MYLK4: variants seen among roughly 807,000 people sequenced by gnomAD.
The protein encoded by MYLK4 is caMLCK like.
A neutral mutation model predicts 48.1 loss-of-function variants in MYLK4; 46 were observed. The ratio of observed to expected loss-of-function variants is 0.96; its 90% CI spans 0.75 to 1.22. MYLK4 has a LOEUF of 1.22. MYLK4 is among the 50% of genes most tolerant of loss of function. MYLK4 has a pLI of 0.00. For synonymous variants in MYLK4, 170 were observed against 180.8 expected (o/e 0.94, Z 0.48); for missense variants, 451 against 486.1 (o/e 0.93, Z 0.68).
intron 2 of MYLK4, among the ~76,000 whole-genome samples, chr6:2,746,428 A>T (rs1764096809): frequency 6.6e-6 from 1 of 152,226 alleles, no homozygotes; most frequent in Non-Finnish European, 1.5e-5. Context: ...AAGAAAAATA[A>T]AAGAAATAGA....
At chr6:2,763,652 C>T in the MYLK4 span, among the ~76,000 whole-genome samples, 1 of 152,284 alleles carries the variant, frequency 6.6e-6, no homozygotes, top group Admixed American at 6.5e-5. Flanking sequence ...GCCTCTCCCA[C>T]CATACTTCCC....
At chr6:2,752,347 G>A (rs970294254), upstream of MYLK4, among the ~76,000 whole-genome samples, 2 of 151,974 alleles carry the variant, frequency 1.3e-5, no homozygotes, top group Non-Finnish European at 2.9e-5. Flanking sequence ...AATGAACCAT[G>A]GTGAACGTTA....
chr6:2,723,731 G>A (rs1763151321), intron 2 of MYLK4, among the ~76,000 whole-genome samples: 1 of 152,188 alleles, frequency 6.6e-6, no homozygotes, highest in African/African-American at 2.4e-5. Flanking sequence ...TCTGGCTAAA[G>A]AGACACCCTT....
At chr6:2,766,426 G>A in the MYLK4 span, 1 of 1,582,760 alleles carries the variant, frequency 6.3e-7, no homozygotes. Flanking sequence ...TCCTGTGGGG[G>A]CCGCCGGGCT....
the MYLK4 span, among the ~76,000 whole-genome samples, chr6:2,769,509 T>G: frequency 1.5e-4 from 23 of 152,176 alleles, no homozygotes; most frequent in African/African-American, 5.3e-4. Flanking sequence ...AAAAAATTTT[T>G]TTTTGTAACT....
chr6:2,766,284 T>A, the MYLK4 span: 2 of 1,593,182 alleles, frequency 1.3e-6, no homozygotes, highest in Non-Finnish European at 1.7e-6. Context: ...ATCCGACAGA[T>A]GCTACAGGGC....
At chr6:2,757,664 G>A in the MYLK4 span, among the ~76,000 whole-genome samples, 1 of 151,506 alleles carries the variant, frequency 6.6e-6, no homozygotes. Flanking sequence ...GGGAAAAAGG[G>A]ACAGATCCGG....
At chr6:2,769,369 G>A in the MYLK4 span, among the ~76,000 whole-genome samples, 1 of 151,762 alleles carries the variant, frequency 6.6e-6, no homozygotes, top group Non-Finnish European at 1.5e-5. Context: ...TGAAATAAAA[G>A]GACACAAGCT....
chr6:2,725,593 A>AAGAAAGAAAGAGAAAG (rs1554131516), intron 2 of MYLK4, among the ~76,000 whole-genome samples: 19 of 143,604 alleles, frequency 1.3e-4, no homozygotes, highest in African/African-American at 5.2e-4. Context: ...AAGAGAAAGA[A>AAGAAAGAAAGAGAAAG]AGAAAGAAAG....
intron 2 of MYLK4, among the ~76,000 whole-genome samples, chr6:2,748,129 G>A (rs953966407): frequency 7.9e-5 from 12 of 152,306 alleles, no homozygotes; most frequent in African/African-American, 2.4e-4. Context: ...GGGCAAAGAA[G>A]GATGTTTTCC....
chr6:2,679,067 A>G (rs1761197085), intron 9 of MYLK4, among the ~76,000 whole-genome samples: 2 of 152,214 alleles, frequency 1.3e-5, no homozygotes, highest in African/African-American at 4.8e-5. Context: ...TGATTAATGA[A>G]GAGGACACAC....
the MYLK4 span, chr6:2,766,305 C>T: frequency 1.9e-6 from 3 of 1,608,890 alleles, no homozygotes; most frequent in Non-Finnish European, 2.5e-6. Flanking sequence ...AAGCCGCTGG[C>T]CGACACGATG....
At chr6:2,684,976 G>T (rs573627299) in intron 6 of MYLK4, among the ~76,000 whole-genome samples, 1 of 152,064 alleles carries the variant, frequency 6.6e-6, no homozygotes, top group African/African-American at 2.4e-5. Flanking sequence ...TGAATATGTT[G>T]AAAGTAAGAT....
chr6:2,696,585 C>A (rs936902038), intron 2 of MYLK4, among the ~76,000 whole-genome samples: 1 of 152,168 alleles, frequency 6.6e-6, no homozygotes, highest in Non-Finnish European at 1.5e-5. Context: ...ACTTCTCAGC[C>A]CCCAGAACTG....
At chr6:2,709,341 C>T (rs1278296035) in intron 2 of MYLK4, among the ~76,000 whole-genome samples, 5 of 152,224 alleles carry the variant, frequency 3.3e-5, no homozygotes, top group African/African-American at 7.2e-5. Flanking sequence ...CTTGCCTTCC[C>T]GTTGTTTCAG....
At chr6:2,736,993 G>A (rs1763698291) in intron 2 of MYLK4, among the ~76,000 whole-genome samples, 1 of 152,202 alleles carries the variant, frequency 6.6e-6, no homozygotes, top group Admixed American at 6.5e-5. Context: ...AATAGTCTCT[G>A]CCTTCTCTCA....
At chr6:2,762,542 T>C in the MYLK4 span, among the ~76,000 whole-genome samples, 1 of 152,248 alleles carries the variant, frequency 6.6e-6, no homozygotes, top group South Asian at 2.1e-4. Context: ...GTACTGTATT[T>C]CCACATTTAG....
At chr6:2,706,778 C>T (rs974643209) in intron 2 of MYLK4, among the ~76,000 whole-genome samples, 15 of 152,180 alleles carry the variant, frequency 9.9e-5, no homozygotes, top group Non-Finnish European at 1.9e-4. Flanking sequence ...TCCTCCTTCA[C>T]GGAGAACATG....
At chr6:2,737,977 C>CGGGG (rs1158504264) in intron 2 of MYLK4, among the ~76,000 whole-genome samples, 23 of 2,486 alleles carry the variant, frequency 9.3e-3, no homozygotes, top group South Asian at 0.025. Flanking sequence ...GTGCCGGGGG[C>CGGGG]GGGTGGGGGG....
Sources: gnomAD v4.1 joint callset for allele counts (sites outside exome capture counted in the v4.1 genomes callset) on GRCh38, gnomAD v4.1.1 for gene constraint, MANE v1.5 for transcripts, NCBI Gene and HGNC (gene_info 2026-07-23, HGNC 2026-07-21) for gene names.